Variants in RSPO2 observed in about 807,000 individuals in gnomAD.
The protein encoded by RSPO2 is R-spondin-2.
RSPO2 carries 14 observed loss-of-function variants against 30.9 expected under a neutral mutation model. That is an observed-to-expected ratio of 0.45 (90% CI 0.30 to 0.71). RSPO2 has a LOEUF of 0.71. Ranked by LOEUF, RSPO2 falls within the 30% of genes least tolerant of loss-of-function variation. The pLI, the probability that RSPO2 is intolerant of heterozygous loss-of-function variation, is 0.08. For synonymous variants in RSPO2, 107 were observed against 96.4 expected (o/e 1.11, Z -0.64); for missense variants, 264 against 301.9 (o/e 0.87, Z 0.93).
Position 108,052,530 on chromosome 8 carries a change from C to A in RSPO2, c.94+30015G>T, listed in dbSNP as rs551477392. Among the ~76,000 whole-genome samples, 8 of 152,210 alleles carry A rather than the reference C, an allele frequency of 5.3e-5. No homozygotes were observed. The South Asian group carries it at 1.2e-3, about 24-fold the overall frequency. On this transcript the variant is annotated intron_variant, in intron 2 of 5. Coordinates refer to ENST00000276659, the MANE Select transcript of RSPO2 (RefSeq NM_178565.5). Reference sequence around the variant, plus strand: ...TGAATTTTAAAGTGTTTCAGGGAATCTTTCCAAAGCATGGAGAATTTATTA... The same window carrying A: ...TGAATTTTAAAGTGTTTCAGGGAATATTTCCAAAGCATGGAGAATTTATTA...
At chr8:108,083,162 C>A (rs956798995) in intron 1 of RSPO2, 35 bp downstream of exon 1, 1 of 152,494 alleles carries the variant, frequency 6.6e-6, no homozygotes, top group African/African-American at 2.4e-5. Context: ...TACCCAAGCG[C>A]CGCAGCTGCG....
chr8:108,073,463 A>T (rs1812917711), intron 2 of RSPO2, among the ~76,000 whole-genome samples: 1 of 152,182 alleles, frequency 6.6e-6, no homozygotes. Context: ...AGAAACAAAG[A>T]TCTAGCAGGA....
intron 2 of RSPO2, chr8:108,081,890 A>G (rs1813211171): frequency 1.0e-6 from 1 of 985,224 alleles, no homozygotes; most frequent in African/African-American, 1.7e-5. Flanking sequence ...GACTCCCCAG[A>G]AAACCAGCGC....
intron 3 of RSPO2, among the ~76,000 whole-genome samples, chr8:107,969,839 T>C (rs1214719925): frequency 6.6e-6 from 1 of 152,200 alleles, no homozygotes; most frequent in African/African-American, 2.4e-5. Context: ...TGGTTACTTC[T>C]TGTGCTTTTC....
chr8:107,951,411 T>C (rs1813243275), intron 5 of RSPO2, among the ~76,000 whole-genome samples: 1 of 152,092 alleles, frequency 6.6e-6, no homozygotes, highest in African/African-American at 2.4e-5. Flanking sequence ...TCCTATCTTA[T>C]AAAAGGGAAA....
At chr8:108,080,133 A>G (rs1394467937) in intron 2 of RSPO2, among the ~76,000 whole-genome samples, 1 of 152,188 alleles carries the variant, frequency 6.6e-6, no homozygotes, top group African/African-American at 2.4e-5. Context: ...TCATTTCAAT[A>G]CTCTCACAAT....
Position 108,033,903 on chromosome 8 carries a change from A to G in RSPO2, c.95-44659T>C, listed in dbSNP as rs528001117. Among the ~76,000 whole-genome samples, 5 of 152,318 alleles carry G rather than the reference A, an allele frequency of 3.3e-5. No homozygotes were observed. The East Asian group carries it at 9.6e-4, about 29-fold the overall frequency. On this transcript the variant is annotated intron_variant, in intron 2 of 5. Coordinates refer to ENST00000276659, the MANE Select transcript of RSPO2 (RefSeq NM_178565.5). ...AAACTAAAAACTACAACCCACTGGC[A>G]ACACCCTTCGCTGAGTCACTGTATT...
chr8:108,047,003 G>C (rs1291046947), intron 2 of RSPO2, among the ~76,000 whole-genome samples: 1 of 152,166 alleles, frequency 6.6e-6, no homozygotes. Flanking sequence ...AGAGAAAGGA[G>C]AAAATCATAA....
At chr8:108,023,977 A>C (rs1167009095) in intron 2 of RSPO2, among the ~76,000 whole-genome samples, 1 of 152,180 alleles carries the variant, frequency 6.6e-6, no homozygotes, top group Non-Finnish European at 1.5e-5. Context: ...CCCAGGAAGC[A>C]TAAGGGCTCT....
At chr8:108,012,266 C>G (rs1410387764) in intron 2 of RSPO2, among the ~76,000 whole-genome samples, 1 of 152,190 alleles carries the variant, frequency 6.6e-6, no homozygotes, top group African/African-American at 2.4e-5. Flanking sequence ...CTCAAACCTG[C>G]AGCATCAGCA....
chr8:108,049,772 A>G (rs1812022933), intron 2 of RSPO2, among the ~76,000 whole-genome samples: 2 of 152,114 alleles, frequency 1.3e-5, no homozygotes, highest in South Asian at 4.1e-4. Context: ...CATGGTGTAT[A>G]TGTGCCACAT....
intron 3 of RSPO2, 57 bp downstream of exon 3, chr8:107,988,999 G>A (rs184898179): frequency 4.3e-6 from 6 of 1,403,718 alleles, no homozygotes; most frequent in East Asian, 2.5e-5. Context: ...CTTCAACTTA[G>A]CTCCTCTCCT....
Position 108,067,387 on chromosome 8 carries a change from A to C in RSPO2, c.94+15158T>G, listed in dbSNP as rs1216491641. On this transcript the variant is annotated intron_variant, in intron 2 of 5. Coordinates refer to ENST00000276659, the MANE Select transcript of RSPO2 (RefSeq NM_178565.5). ...CTCTATTTGTAAGAAATACACTCAGAAATATGTAGGGTGAAATGATGTAAT... is the reference window on the plus strand; with the variant it reads ...CTCTATTTGTAAGAAATACACTCAGCAATATGTAGGGTGAAATGATGTAAT... Among the ~76,000 whole-genome samples the C allele has an allele frequency of 2.6e-5, 4 of 152,356 alleles. No individual in the cohort carries two copies. The East Asian group carries it at 7.7e-4, about 29-fold the overall frequency.
chr8:108,018,713 T>C (rs1004690868), intron 2 of RSPO2, among the ~76,000 whole-genome samples: 2 of 152,156 alleles, frequency 1.3e-5, no homozygotes, highest in African/African-American at 2.4e-5. Flanking sequence ...TAAAAATAAA[T>C]GCACAGTGGA....
intron 5 of RSPO2, among the ~76,000 whole-genome samples, chr8:107,930,156 T>C (rs1460605782): frequency 1.3e-5 from 2 of 152,202 alleles, no homozygotes; most frequent in East Asian, 3.8e-4. Context: ...TGGTATTCAT[T>C]ACAAGTTTTG....
At chr8:107,938,108 T>C (rs976617545) in intron 5 of RSPO2, among the ~76,000 whole-genome samples, 3 of 152,148 alleles carry the variant, frequency 2.0e-5, no homozygotes, top group African/African-American at 7.2e-5. Flanking sequence ...TAAAACATTC[T>C]ACAAAATTAG....
intron 5 of RSPO2, among the ~76,000 whole-genome samples, chr8:107,931,098 A>G (rs2130345075): frequency 6.6e-6 from 1 of 152,306 alleles, no homozygotes; most frequent in East Asian, 1.9e-4. Context: ...ATATGATAGG[A>G]AATTAAGCCA....
At chr8:108,055,054 G>C (rs1286735846) in intron 2 of RSPO2, among the ~76,000 whole-genome samples, 1 of 152,162 alleles carries the variant, frequency 6.6e-6, no homozygotes, top group Non-Finnish European at 1.5e-5. Flanking sequence ...CCAGGAGGTC[G>C]AGGCTACAGT....
At chr8:108,082,915 C>A (rs1244394917) in intron 1 of RSPO2, 108 bp from the exon 2 acceptor site, 7 of 440,104 alleles carry the variant, frequency 1.6e-5, no homozygotes, top group Non-Finnish European at 2.8e-5. Flanking sequence ...AAGGAGGAAG[C>A]GAACCCACTG....
Sources: gnomAD v4.1 joint callset for allele counts (sites outside exome capture counted in the v4.1 genomes callset) on GRCh38, gnomAD v4.1.1 for gene constraint, MANE v1.5 for transcripts, NCBI Gene and HGNC (gene_info 2026-07-23, HGNC 2026-07-21) for gene names.